HPSE2: variants seen among roughly 807,000 people sequenced by gnomAD.
The protein encoded by HPSE2 is inactive heparanase-2.
In HPSE2, 38 loss-of-function variants were observed where a neutral mutation model predicts 60.5. The ratio of observed to expected loss-of-function variants is 0.63; its 90% CI spans 0.48 to 0.82. The LOEUF (loss-of-function observed/expected upper bound fraction) is 0.82. Ranked by LOEUF, HPSE2 falls within the 40% of genes least tolerant of loss-of-function variation. The pLI, the probability that HPSE2 is intolerant of heterozygous loss-of-function variation, is 0.00. For synonymous variants in HPSE2, 295 were observed against 293.2 expected (o/e 1.01, Z -0.06); for missense variants, 713 against 740.4 (o/e 0.96, Z 0.43).
At chr10:99,031,769 G>C (rs1452780944) in intron 3 of HPSE2, among the ~76,000 whole-genome samples, 1 of 152,168 alleles carries the variant, frequency 6.6e-6, no homozygotes, top group African/African-American at 2.4e-5. Flanking sequence ...CAGCAGGAAA[G>C]ACTGTGAAAG....
intron 4 of HPSE2, among the ~76,000 whole-genome samples, chr10:98,726,656 T>G (rs1949091083): frequency 6.8e-6 from 1 of 147,604 alleles, no homozygotes. Flanking sequence ...ATAATAATAA[T>G]AATAATAATA....
chr10:99,225,986 CTTTAT>C (rs1849459428), intron 2 of HPSE2, among the ~76,000 whole-genome samples: 1 of 151,954 alleles, frequency 6.6e-6, no homozygotes, highest in African/African-American at 2.4e-5. Flanking sequence ...TTCTAATGTA[CTTTAT>C]TTTATACATT....
chr10:98,993,145 A>G (rs193096447), intron 3 of HPSE2, among the ~76,000 whole-genome samples: 1 of 152,368 alleles, frequency 6.6e-6, no homozygotes, highest in East Asian at 1.9e-4. Flanking sequence ...GCTAAAATAG[A>G]GTAAATTACA....
chr10:98,972,393 T>C (rs1314817236), intron 3 of HPSE2, among the ~76,000 whole-genome samples: 2 of 152,184 alleles, frequency 1.3e-5, no homozygotes, highest in African/African-American at 2.4e-5. Context: ...TGAATTTTAA[T>C]GTATTAATGT....
At chr10:98,666,540 C>A (rs1474082222) in intron 6 of HPSE2, among the ~76,000 whole-genome samples, 5 of 152,022 alleles carry the variant, frequency 3.3e-5, no homozygotes, top group African/African-American at 9.7e-5. Context: ...AGTCATAGAG[C>A]AAGTCTCAAT....
chr10:98,574,684 T>C (rs552785114), intron 9 of HPSE2, among the ~76,000 whole-genome samples: 3 of 45,636 alleles, frequency 6.6e-5, no homozygotes, highest in East Asian at 3.4e-3. Context: ...CCTTTGTGCA[T>C]TGGCATCGAG....
chr10:98,753,213 A>G (rs914525364), intron 3 of HPSE2, among the ~76,000 whole-genome samples: 1 of 152,048 alleles, frequency 6.6e-6, no homozygotes, highest in Non-Finnish European at 1.5e-5. Flanking sequence ...ATTATCACTA[A>G]AAAAATGATA....
At chr10:98,685,790 G>C (rs900017380) in intron 6 of HPSE2, among the ~76,000 whole-genome samples, 1 of 152,050 alleles carries the variant, frequency 6.6e-6, no homozygotes, top group Non-Finnish European at 1.5e-5. Context: ...CTTTGTCATA[G>C]GACAGGCATA....
At chr10:98,594,227 T>C (rs10883148) in intron 9 of HPSE2, among the ~76,000 whole-genome samples, 58,519 of 151,882 alleles carry the variant, frequency 0.39, 11,436 homozygotes, top group East Asian at 0.51. Flanking sequence ...ACATTGTACA[T>C]AGATAACTTA....
chr10:98,485,169 C>T (rs1027478002), intron 10 of HPSE2, among the ~76,000 whole-genome samples: 7 of 152,022 alleles, frequency 4.6e-5, no homozygotes, highest in Admixed American at 2.0e-4. Flanking sequence ...AGGGCTCTTC[C>T]GTGGAGATTT....
chr10:98,590,575 A>G (rs1442426861), intron 9 of HPSE2, among the ~76,000 whole-genome samples: 2 of 152,232 alleles, frequency 1.3e-5, no homozygotes, highest in East Asian at 1.9e-4. Flanking sequence ...GGTTGGAGCC[A>G]TGATGCGCTT....
intron 6 of HPSE2, among the ~76,000 whole-genome samples, chr10:98,688,481 T>C (rs1364801566): frequency 3.7e-5 from 5 of 136,526 alleles, no homozygotes; most frequent in Admixed American, 7.6e-5. Flanking sequence ...TTTTTTCTTT[T>C]TTTTTTTTTT....
intron 3 of HPSE2, among the ~76,000 whole-genome samples, chr10:99,105,342 A>T (rs1056481209): frequency 1.2e-4 from 19 of 152,244 alleles, no homozygotes; most frequent in Admixed American, 1.2e-3. Flanking sequence ...TAATGATGTT[A>T]AGCATCTTTT....
At chr10:98,995,681 A>G (rs1231163736) in intron 3 of HPSE2, among the ~76,000 whole-genome samples, 1 of 152,202 alleles carries the variant, frequency 6.6e-6, no homozygotes, top group Non-Finnish European at 1.5e-5. Flanking sequence ...TAGGCTAAGG[A>G]AAAAAATACA....
intron 3 of HPSE2, among the ~76,000 whole-genome samples, chr10:98,860,134 G>C (rs1329223454): frequency 6.6e-6 from 1 of 152,028 alleles, no homozygotes; most frequent in Non-Finnish European, 1.5e-5. Context: ...GGATAAGGGG[G>C]GACTACTATA....
intron 9 of HPSE2, among the ~76,000 whole-genome samples, chr10:98,528,901 T>C (rs1045943621): frequency 2.0e-5 from 3 of 152,230 alleles, no homozygotes; most frequent in Non-Finnish European, 4.4e-5. Flanking sequence ...ACCTCAGTCA[T>C]CTCCAGCCAA....
chr10:99,259,736 T>C, the HPSE2 span, among the ~76,000 whole-genome samples: 136 of 152,296 alleles, frequency 8.9e-4, no homozygotes, highest in Middle Eastern at 0.01. Context: ...GTCTGTGGCC[T>C]GTTAGGAAGG....
intron 3 of HPSE2, among the ~76,000 whole-genome samples, chr10:98,919,160 C>G (rs559230009): frequency 1.2e-4 from 18 of 152,152 alleles, no homozygotes; most frequent in African/African-American, 3.1e-4. Context: ...AATACCTGAC[C>G]AGATATTTAG....
chr10:99,102,884 C>A (rs987322744), intron 3 of HPSE2, among the ~76,000 whole-genome samples: 2 of 152,190 alleles, frequency 1.3e-5, no homozygotes, highest in Admixed American at 1.3e-4. Context: ...ACAAAAACCA[C>A]ATGATTATCT....
Sources: allele counts gnomAD v4.1 joint callset (sites outside exome capture counted in the v4.1 genomes callset), GRCh38; gene constraint gnomAD v4.1.1; transcripts MANE v1.5; gene names NCBI Gene and HGNC (gene_info 2026-07-23, HGNC 2026-07-21).